Variants in MEGF10 observed in about 807,000 individuals in gnomAD.
MEGF10 encodes multiple epidermal growth factor-like domains protein 10.
Under a neutral mutation model 147.5 loss-of-function variants are expected in MEGF10, and 86 were observed. The observed-to-expected ratio is 0.58, with a 90% CI of 0.49 to 0.70. The LOEUF (loss-of-function observed/expected upper bound fraction) is 0.70. Among genes scored for constraint, MEGF10 ranks in the 30% least tolerant of loss-of-function variants. MEGF10 has a pLI of 0.00. For missense variants in MEGF10, 1,329 were observed against 1,487.3 expected, an observed-to-expected ratio of 0.89 and a Z score of 1.75; for synonymous variants, 478 against 525.5, an observed-to-expected ratio of 0.91 and a Z score of 1.24.
intron 7 of MEGF10, among the ~76,000 whole-genome samples, chr5:127,399,960 C>G (rs1016445148): frequency 1.3e-5 from 2 of 152,208 alleles, no homozygotes; most frequent in Non-Finnish European, 2.9e-5. Flanking sequence ...TCACCCCAAC[C>G]TTGATAACCT....
At chr5:127,357,979 C>T (rs74384421) in intron 4 of MEGF10, among the ~76,000 whole-genome samples, 5,646 of 152,196 alleles carry the variant, frequency 0.037, 272 homozygotes, top group African/African-American at 0.11. Flanking sequence ...ATCCATGTGG[C>T]CTCTGAAGGC....
chr5:127,269,926 G>A, the MEGF10 span, among the ~76,000 whole-genome samples: 3 of 152,112 alleles, frequency 2.0e-5, no homozygotes, highest in Non-Finnish European at 2.9e-5. Context: ...GGGGCCAATA[G>A]TCAACATTCT....
intron 1 of MEGF10, among the ~76,000 whole-genome samples, chr5:127,321,780 A>T (rs1760795699): frequency 6.6e-6 from 1 of 151,994 alleles, no homozygotes; most frequent in Non-Finnish European, 1.5e-5. Context: ...ACTGAAAAGG[A>T]TCTTCCCGAG....
intron 5 of MEGF10, among the ~76,000 whole-genome samples, chr5:127,378,241 G>A (rs921926223): frequency 6.6e-6 from 1 of 152,180 alleles, no homozygotes; most frequent in Non-Finnish European, 1.5e-5. Flanking sequence ...TATACTCATA[G>A]GCTTGTGGGG....
intron 22 of MEGF10, among the ~76,000 whole-genome samples, chr5:127,452,011 T>C (rs1459744628): frequency 6.6e-6 from 1 of 152,196 alleles, no homozygotes; most frequent in Non-Finnish European, 1.5e-5. Context: ...ATTTGTGAAA[T>C]GGGAGTAATA....
chr5:127,340,186 T>G (rs1170114754), intron 3 of MEGF10, among the ~76,000 whole-genome samples: 1 of 151,418 alleles, frequency 6.6e-6, no homozygotes, highest in Non-Finnish European at 1.5e-5. Context: ...TCTTCTATAT[T>G]ATAATGGGAT....
At chr5:127,419,910 C>A in intron 11 of MEGF10, 134 bp from the exon 12 acceptor site, 1 of 1,037,600 alleles carries the variant, frequency 9.6e-7, no homozygotes, top group Non-Finnish European at 1.4e-6. Flanking sequence ...CTTGGCAGAA[C>A]CAGTGTTCTC....
chr5:127,263,771 G>A, the MEGF10 span, among the ~76,000 whole-genome samples: 1,460 of 152,092 alleles, frequency 9.6e-3, 18 homozygotes, highest in African/African-American at 0.033. Flanking sequence ...TATTCTGTTC[G>A]ATTACCAAGG....
intron 1 of MEGF10, among the ~76,000 whole-genome samples, chr5:127,324,817 G>A (rs375238722): frequency 2.0e-5 from 3 of 152,110 alleles, no homozygotes; most frequent in Non-Finnish European, 2.9e-5. Flanking sequence ...CCTTTCTAGC[G>A]TTACTTCTCA....
chr5:127,237,422 G>A, the MEGF10 span, among the ~76,000 whole-genome samples: 3 of 152,236 alleles, frequency 2.0e-5, no homozygotes, highest in South Asian at 2.1e-4. Context: ...AACCCAGGAG[G>A]CAGATGTTAG....
the MEGF10 span, among the ~76,000 whole-genome samples, chr5:127,275,297 G>T: frequency 6.6e-6 from 1 of 152,092 alleles, no homozygotes; most frequent in Non-Finnish European, 1.5e-5. Context: ...TTACTACAGT[G>T]CATCAGGTGC....
chr5:127,347,943 A>G (rs984139802), intron 4 of MEGF10, among the ~76,000 whole-genome samples: 3 of 152,080 alleles, frequency 2.0e-5, no homozygotes, highest in Non-Finnish European at 4.4e-5. Context: ...AAGATATATT[A>G]AAGTGTTTTG....
intron 8 of MEGF10, chr5:127,409,551 G>A (rs1021694400): frequency 6.6e-6 from 1 of 152,214 alleles, no homozygotes; most frequent in African/African-American, 2.4e-5. Flanking sequence ...ATTCCCTCTA[G>A]CAACTCAGCT....
intron 1 of MEGF10, among the ~76,000 whole-genome samples, chr5:127,307,367 G>C (rs1234360522): frequency 6.6e-6 from 1 of 152,186 alleles, no homozygotes; most frequent in African/African-American, 2.4e-5. Flanking sequence ...TGAGAATGGG[G>C]TGGGCAGGGT....
intron 5 of MEGF10, among the ~76,000 whole-genome samples, chr5:127,396,126 C>T (rs1333149663): frequency 7.2e-5 from 11 of 152,150 alleles, no homozygotes; most frequent in Non-Finnish European, 1.3e-4. Flanking sequence ...GCAATCCAAA[C>T]CCCTTAATAT....
intron 1 of MEGF10, among the ~76,000 whole-genome samples, chr5:127,326,992 A>G (rs1043092241): frequency 1.3e-5 from 2 of 152,216 alleles, no homozygotes; most frequent in Non-Finnish European, 1.5e-5. Context: ...CTTTAACTCA[A>G]TGATAAAGAA....
In MEGF10 at chr5:127,398,708, G is replaced by T; in HGVS notation, c.692G>T (p.Gly231Val). The part of the protein sequence containing the change: ...CEDLCPPGKH[G>V]PQCEQRCPCQ... ...GATCTTTGTCCTCCTGGTAAACATG[G>T]TCCACAGTGTGAGCAGAGATGCCCT... Residue 231 changes from glycine to valine, a missense_variant, in exon 7 of 25, where the codon GGT becomes GTT. Physicochemically the swap from Gly to Val is moderately radical, Grantham distance 109. Coordinates refer to ENST00000503335, the MANE Select transcript of MEGF10 (RefSeq NM_001256545.2). 2 of 1,614,092 alleles carry T rather than the reference G, an allele frequency of 1.2e-6. No homozygotes were observed. Among genetic ancestry groups the T allele is most frequent in the Middle Eastern group, 1.7e-4 (1 of 6,054 alleles).
Position 127,410,533 on chromosome 5 carries a change from G to C in MEGF10, c.1062G>C (p.Leu354=). 3 of 1,613,580 alleles carry C rather than the reference G, an allele frequency of 1.9e-6. No homozygotes were observed. The highest frequency in any genetic ancestry group is 2.5e-6 in the Non-Finnish European group (3 of 1,180,018). The change falls in exon 9 of 25, where the codon CTG becomes CTC. Residue 354 remains leucine (L), a synonymous_variant. Coordinates refer to ENST00000503335, the MANE Select transcript of MEGF10 (RefSeq NM_001256545.2). ...CTGGCGAGCGCTGCGAAGCACGCCT[G>C]TGTCCTGAGGGGCTCTACGGCATCA... ...GFAGERCEAR[L]CPEGLYGIKC... is the part of the protein sequence containing the mutation.
chr5:127,450,057 AT>A (rs1324880108), intron 22 of MEGF10, among the ~76,000 whole-genome samples: 2 of 152,222 alleles, frequency 1.3e-5, no homozygotes, highest in African/African-American at 4.8e-5. Flanking sequence ...TTATAAAAAA[AT>A]CTCTTTAATG....
Sources: gnomAD v4.1 joint callset for allele counts (sites outside exome capture counted in the v4.1 genomes callset) on GRCh38, gnomAD v4.1.1 for gene constraint, MANE v1.5 for transcripts, NCBI Gene and HGNC (gene_info 2026-07-23, HGNC 2026-07-21) for gene names.